The following ZNF385D variants were observed in gnomAD, a reference collection of about 807,000 sequenced individuals.
The protein encoded by ZNF385D is zinc finger protein 659.
In ZNF385D, 15 loss-of-function variants were observed where a neutral mutation model predicts 35.8. The ratio of observed to expected loss-of-function variants is 0.42; its 90% confidence interval spans 0.28 to 0.64. The LOEUF (loss-of-function observed/expected upper bound fraction) is 0.64. ZNF385D is among the 30% of genes least tolerant of loss of function. The pLI is 0.23. For synonymous variants in ZNF385D, 212 were observed against 186.8 expected, an observed-to-expected ratio of 1.13 and a Z score of -1.10; for missense variants, 474 against 494.6, an observed-to-expected ratio of 0.96 and a Z score of 0.39.
intron 4 of ZNF385D, among the ~76,000 whole-genome samples, chr3:21,469,469 A>C (rs912691843): frequency 5.9e-5 from 9 of 152,156 alleles, no homozygotes; most frequent in Non-Finnish European, 8.8e-5. Flanking sequence ...TCCTTTTAAA[A>C]AGCTTATTCA....
chr3:21,446,266 T>A (rs181785448), intron 4 of ZNF385D, among the ~76,000 whole-genome samples: 2 of 152,252 alleles, frequency 1.3e-5, no homozygotes, highest in East Asian at 3.9e-4. Context: ...AAATGTCATT[T>A]AAACAGCAAG....
intron 1 of ZNF385D, among the ~76,000 whole-genome samples, chr3:21,715,888 T>A (rs1036813863): frequency 6.6e-6 from 1 of 152,180 alleles, no homozygotes; most frequent in Non-Finnish European, 1.5e-5. Context: ...TTTGGAGATC[T>A]AATAGGTATT....
At chr3:21,859,649 A>G (rs540763668) in intron 3 of ZNF385D, among the ~76,000 whole-genome samples, 2 of 145,070 alleles carry the variant, frequency 1.4e-5, no homozygotes, top group East Asian at 4.1e-4. Context: ...AAACAACATT[A>G]TTGCTGGCTG....
chr3:21,938,997 CT>C (rs1295770721), intron 3 of ZNF385D, among the ~76,000 whole-genome samples: 1 of 152,182 alleles, frequency 6.6e-6, no homozygotes. Context: ...TTCCTGGTAT[CT>C]GGAATTTGGT....
chr3:22,233,146 T>G (rs1449613325), intron 2 of ZNF385D, among the ~76,000 whole-genome samples: 1 of 151,886 alleles, frequency 6.6e-6, no homozygotes, highest in South Asian at 2.1e-4. Flanking sequence ...CACCTTCAGA[T>G]TTTTTCTATC....
intron 2 of ZNF385D, among the ~76,000 whole-genome samples, chr3:22,181,520 C>T (rs112512429): frequency 3.1e-3 from 466 of 152,076 alleles, no homozygotes; most frequent in African/African-American, 0.011. Flanking sequence ...CACGGTGAAA[C>T]CCCCTCTCTA....
At chr3:22,196,239 G>A (rs1006188880) in intron 2 of ZNF385D, among the ~76,000 whole-genome samples, 5 of 152,076 alleles carry the variant, frequency 3.3e-5, no homozygotes, top group African/African-American at 1.2e-4. Context: ...AGCTATGCAT[G>A]TAGGTTTTGA....
intron 2 of ZNF385D, among the ~76,000 whole-genome samples, chr3:22,330,947 G>A (rs989797819): frequency 2.6e-5 from 4 of 152,118 alleles, no homozygotes; most frequent in Non-Finnish European, 2.9e-5. Context: ...ATGTCTTTCT[G>A]GGGTATGGCT....
chr3:21,989,160 G>A (rs572503013), intron 3 of ZNF385D, among the ~76,000 whole-genome samples: 10 of 152,204 alleles, frequency 6.6e-5, no homozygotes, highest in East Asian at 5.8e-4. Context: ...GTTCCTATTC[G>A]GCCATCTTGG....
chr3:21,695,122 A>C (rs1427530884), intron 1 of ZNF385D, among the ~76,000 whole-genome samples: 1 of 152,178 alleles, frequency 6.6e-6, no homozygotes, highest in Non-Finnish European at 1.5e-5. Flanking sequence ...ATGAACATAT[A>C]TTTGCCATCA....
intron 3 of ZNF385D, among the ~76,000 whole-genome samples, chr3:22,087,575 G>A (rs941597405): frequency 1.3e-5 from 2 of 152,132 alleles, no homozygotes; most frequent in African/African-American, 4.8e-5. Flanking sequence ...GTGGAAATTA[G>A]TTATTAGTAA....
At chr3:22,160,867 A>G (rs1248857047) in intron 3 of ZNF385D, among the ~76,000 whole-genome samples, 3 of 152,128 alleles carry the variant, frequency 2.0e-5, no homozygotes, top group Non-Finnish European at 4.4e-5. Context: ...CAATCCTTCA[A>G]CAAGCATTAA....
At chr3:22,263,141 T>C (rs991767112) in intron 2 of ZNF385D, among the ~76,000 whole-genome samples, 2 of 151,966 alleles carry the variant, frequency 1.3e-5, no homozygotes, top group Non-Finnish European at 2.9e-5. Context: ...GTTAATTCTG[T>C]CCAGATCAGT....
chr3:22,237,698 C>T (rs1699266154), intron 2 of ZNF385D, among the ~76,000 whole-genome samples: 1 of 152,122 alleles, frequency 6.6e-6, no homozygotes, highest in Non-Finnish European at 1.5e-5. Context: ...GGCTGCAGTG[C>T]AGTGGCACGA....
intron 3 of ZNF385D, among the ~76,000 whole-genome samples, chr3:22,073,553 A>G (rs900436634): frequency 3.9e-5 from 6 of 152,114 alleles, no homozygotes; most frequent in African/African-American, 1.4e-4. Flanking sequence ...AATTATTGGC[A>G]AGGAATAAAA....
At chr3:22,207,880 T>A (rs146096129) in intron 2 of ZNF385D, among the ~76,000 whole-genome samples, 5 of 151,896 alleles carry the variant, frequency 3.3e-5, no homozygotes, top group African/African-American at 1.2e-4. Flanking sequence ...TACAATGAGA[T>A]GTCACCTCAC....
chr3:21,984,378 A>C (rs1412713391), intron 3 of ZNF385D, among the ~76,000 whole-genome samples: 4 of 121,094 alleles, frequency 3.3e-5, no homozygotes, highest in Non-Finnish European at 6.6e-5. Context: ...TCAGCTTTCT[A>C]CATATGGCTA....
rs911400793 is a variant in ZNF385D, at chr3:21,837,840, C to A, written c.326-172812G>T. On this transcript the variant is annotated intron_variant, in intron 3 of 5. Transcript: ENST00000494108. Reference sequence around the variant, plus strand: ...TGAGCCAAGATAGCACCACTGCATTCCAGCCTGGTAACAGTGTGAGACTCC... The same window carrying A: ...TGAGCCAAGATAGCACCACTGCATTACAGCCTGGTAACAGTGTGAGACTCC... Among the ~76,000 whole-genome samples the A allele has an allele frequency of 3.3e-5, 5 of 149,282 alleles. 1 individual carries two copies. In the South Asian group the frequency reaches 1.1e-3, roughly 32 times the overall value.
intron 2 of ZNF385D, among the ~76,000 whole-genome samples, chr3:22,231,783 T>C (rs1411037417): frequency 6.6e-6 from 1 of 152,130 alleles, no homozygotes; most frequent in African/African-American, 2.4e-5. Flanking sequence ...ATTCCCAATG[T>C]TGAAGGTGGG....
Sources: gnomAD v4.1 joint callset for allele counts (sites outside exome capture counted in the v4.1 genomes callset) on GRCh38, gnomAD v4.1.1 for gene constraint, MANE v1.5 for transcripts, NCBI Gene and HGNC (gene_info 2026-07-23, HGNC 2026-07-21) for gene names.